ATP6V0D1: variants seen among roughly 807,000 people sequenced by gnomAD.
ATP6V0D1 encodes V-type proton ATPase subunit d 1.
ATP6V0D1 carries 13 observed loss-of-function variants against 39.0 expected under a neutral mutation model. That is an observed-to-expected ratio of 0.33 (90% CI 0.22 to 0.53). The LOEUF (loss-of-function observed/expected upper bound fraction) is 0.53. ATP6V0D1 is among the 20% of genes least tolerant of loss of function. The probability of loss-of-function intolerance (pLI) is 0.94; values close to 1 mark genes in which losing one functional copy is unlikely to be tolerated. For synonymous variants in ATP6V0D1, 191 were observed against 191.2 expected (o/e 1.00, Z 0.01); for missense variants, 272 against 470.9 (o/e 0.58, Z 3.91).
chr16:67,438,249 C>A lies in ATP6V0D1; in HGVS notation c.*279G>T. The stretch of plus-strand genomic sequence containing the variant: ...ATGAAAGTGACATGCTTCTTAGATA[C>A]ATCAGCGGCTGTAACCACAGGGCTG... On this transcript the variant is annotated 3_prime_UTR_variant, in exon 8 of 8. Transcript: ENST00000290949. 2.1e-6 allele frequency: 1 copy of A among 484,258 alleles called. No homozygotes were observed. Among genetic ancestry groups the A allele is most frequent in the South Asian group, 2.3e-5 (1 of 43,286 alleles). 30.0% of individuals were successfully genotyped at this position (484,258 alleles called of 1,614,324 possible).
intron 1 of ATP6V0D1, among the ~76,000 whole-genome samples, chr16:67,468,785 G>A (rs565840627): frequency 3.3e-5 from 5 of 152,158 alleles, no homozygotes; most frequent in Non-Finnish European, 7.3e-5. Flanking sequence ...CTGAATGGCT[G>A]ACATCTGCCT....
intron 4 of ATP6V0D1, chr16:67,441,147 G>A (rs938295347): frequency 6.6e-6 from 1 of 152,318 alleles, no homozygotes; most frequent in African/African-American, 2.4e-5. Context: ...AGGGAGGCTG[G>A]TGGGACTCTC....
chr16:67,474,535 C>T (rs2041399822), intron 1 of ATP6V0D1, among the ~76,000 whole-genome samples: 1 of 152,238 alleles, frequency 6.6e-6, no homozygotes. Flanking sequence ...GCACTCACTA[C>T]CTCATTTATT....
At chr16:67,472,896 G>C (rs1232245243) in intron 1 of ATP6V0D1, among the ~76,000 whole-genome samples, 1 of 152,034 alleles carries the variant, frequency 6.6e-6, no homozygotes, top group Non-Finnish European at 1.5e-5. Flanking sequence ...TTCCAGGCAA[G>C]AGCATACACA....
chr16:67,469,332 T>TA (rs2041354598), intron 1 of ATP6V0D1, among the ~76,000 whole-genome samples: 1 of 151,750 alleles, frequency 6.6e-6, no homozygotes, highest in African/African-American at 2.4e-5. Flanking sequence ...AATAAATAAA[T>TA]AATAAAATCG....
At position 67,481,015 on chromosome 16, in the gene ATP6V0D1, C is replaced by G; in HGVS notation, c.72G>C (p.Lys24Asn). ...GYLEGLVRGL[K>N]AGVLSQADYL... ...AGTCGGCCTGGCTGAGCACCCCGGC[C>G]TTCAGGCCGCGCACCAGTCCCTCCA... The change falls in exon 1 of 8, where the codon AAG becomes AAC. Residue 24 changes from lysine (K) to asparagine (N), a missense_variant. This residue lies in a region of ATP6V0D1 where 81 missense variants were observed against 96.0 expected (regional missense o/e 0.84). Transcript: ENST00000290949. 1 of 1,614,208 alleles carries G rather than the reference C, an allele frequency of 6.2e-7. No homozygotes were observed. The highest frequency in any genetic ancestry group is 8.5e-7 in the Non-Finnish European group (1 of 1,180,006).
At chr16:67,457,330 C>A in intron 1 of ATP6V0D1, 1 of 317,950 alleles carries the variant, frequency 3.1e-6, no homozygotes, top group South Asian at 2.6e-5. Context: ...TGGAGCAGGC[C>A]TGGGGGATTC....
At chr16:67,449,335 C>G (rs1405366333) in intron 2 of ATP6V0D1, among the ~76,000 whole-genome samples, 1 of 152,240 alleles carries the variant, frequency 6.6e-6, no homozygotes, top group Non-Finnish European at 1.5e-5. Flanking sequence ...TCCCACAAGT[C>G]TCTCAGCATG....
intron 1 of ATP6V0D1, among the ~76,000 whole-genome samples, chr16:67,473,592 C>T (rs560506070): frequency 2.0e-5 from 3 of 152,174 alleles, no homozygotes; most frequent in Non-Finnish European, 2.9e-5. Context: ...GGTGCAATCT[C>T]GGCTCACTGC....
chr16:67,439,531 G>A (rs1029402298), intron 4 of ATP6V0D1, 180 bp from the exon 5 acceptor site: 9 of 626,406 alleles, frequency 1.4e-5, no homozygotes, highest in African/African-American at 1.1e-4. Context: ...CTGTGAATCA[G>A]CCAAGTGGCA....
chr16:67,471,694 C>T (rs1009586295), intron 1 of ATP6V0D1, among the ~76,000 whole-genome samples: 15 of 151,478 alleles, frequency 9.9e-5, no homozygotes, highest in South Asian at 2.1e-4. Context: ...TTTTTTGAGA[C>T]GGGGTCTCTC....
At chr16:67,480,519 T>C (rs887336314) in intron 1 of ATP6V0D1, among the ~76,000 whole-genome samples, 2 of 151,964 alleles carry the variant, frequency 1.3e-5, no homozygotes, top group Non-Finnish European at 2.9e-5. Flanking sequence ...GAAGACACGA[T>C]GATCCCAAAG....
intron 4 of ATP6V0D1, 186 bp from the exon 5 acceptor site, chr16:67,439,537 T>C: frequency 1.6e-6 from 1 of 620,810 alleles, no homozygotes; most frequent in East Asian, 2.8e-5. Flanking sequence ...ATCAGCCAAG[T>C]GGCAGCTGCC....
At position 67,453,141 on chromosome 16, in the gene ATP6V0D1, C is replaced by T. The variant is rs974266827; in HGVS notation, c.302+403G>A. Among the ~76,000 whole-genome samples the T allele has an allele frequency of 6.6e-6, 1 of 152,148 alleles. No homozygotes were observed. Among genetic ancestry groups the T allele is most frequent in the African/African-American group, 2.4e-5 (1 of 41,434 alleles). On this transcript the variant is annotated intron_variant, in intron 2 of 7. Transcript: ENST00000290949. This position sits in a 1 kb window ranked among gnomAD's most constrained non-coding sequence, Gnocchi z 4.1. ...CTGACCCCTCGCATGGGGAGTGGGG[C>T]CTGGTGAGTGTTCTGTTTGGGTGCT... is the stretch of plus-strand genomic sequence containing the variant.
At chr16:67,470,880 C>G (rs1206413095) in intron 1 of ATP6V0D1, among the ~76,000 whole-genome samples, 1 of 152,176 alleles carries the variant, frequency 6.6e-6, no homozygotes, top group Non-Finnish European at 1.5e-5. Context: ...CTGGACCAAT[C>G]TTGTGGGTTT....
At chr16:67,443,398 AT>A in intron 3 of ATP6V0D1, 1 of 541,132 alleles carries the variant, frequency 1.8e-6, no homozygotes, top group South Asian at 2.5e-5. Flanking sequence ...CCTAAAATTG[AT>A]TTATAAAGGA....
intron 1 of ATP6V0D1, among the ~76,000 whole-genome samples, chr16:67,470,168 T>C (rs2041361495): frequency 6.6e-6 from 1 of 152,168 alleles, no homozygotes; most frequent in Non-Finnish European, 1.5e-5. Flanking sequence ...AACACCTCTG[T>C]ACATGCTATC....
At chr16:67,457,919 G>A (rs1260946396) in intron 1 of ATP6V0D1, among the ~76,000 whole-genome samples, 1 of 152,196 alleles carries the variant, frequency 6.6e-6, no homozygotes, top group Non-Finnish European at 1.5e-5. Context: ...CAAGGCCTGA[G>A]GAGTCTTCCT....
rs1395013094 is a variant in ATP6V0D1, at chr16:67,481,150, G to A, written c.-64C>T. The A allele has an allele frequency of 1.0e-5, 16 of 1,603,328 alleles. No homozygotes were observed. The highest frequency in any genetic ancestry group is 1.3e-5 in the African/African-American group (1 of 74,752). ...GGCCGGCACGAATCGCGACTCCCCA[G>A]GTCAGCTGACGCTGCGTCCTCAGCG... On this transcript the variant is annotated 5_prime_UTR_variant, in exon 1 of 8. Transcript: ENST00000290949.
Sources: gnomAD v4.1 joint callset for allele counts (sites outside exome capture counted in the v4.1 genomes callset) on GRCh38, gnomAD v4.1.1 for gene constraint, gnomAD v4.1.1 regional missense constraint, Gnocchi (gnomAD v3.1) non-coding constraint, MANE v1.5 for transcripts, NCBI Gene and HGNC (gene_info 2026-07-23, HGNC 2026-07-21) for gene names.